UMODL1: variants seen among roughly 807,000 people sequenced by gnomAD.
The protein encoded by UMODL1 is uromodulin-like 1.
Under a neutral mutation model 136.3 loss-of-function variants are expected in UMODL1, and 128 were observed. That is an observed-to-expected ratio of 0.94 (90% CI 0.81 to 1.09). The LOEUF (loss-of-function observed/expected upper bound fraction) is 1.09. Among genes scored for constraint, UMODL1 ranks in the 50% least tolerant of loss-of-function variants. UMODL1 has a pLI of 0.00. For missense variants in UMODL1, 1,766 were observed against 1,725.6 expected, an observed-to-expected ratio of 1.02 and a Z score of -0.41; for synonymous variants, 721 against 720.0, an observed-to-expected ratio of 1.00 and a Z score of -0.02.
chr21:42,107,105 T>C (rs1993362), intron 9 of UMODL1, among the ~76,000 whole-genome samples: 48,485 of 152,088 alleles, frequency 0.32, 8,000 homozygotes, highest in African/African-American at 0.4. Flanking sequence ...CCTCACATCA[T>C]TTCCATTCAA....
intron 9 of UMODL1, among the ~76,000 whole-genome samples, chr21:42,105,541 T>A (rs749389352): frequency 6.6e-6 from 1 of 152,216 alleles, no homozygotes; most frequent in Non-Finnish European, 1.5e-5. Flanking sequence ...CAGACACGAT[T>A]AAGTTAAGGA....
At position 42,084,238 on chromosome 21, in the gene UMODL1, AC is replaced by A; in HGVS notation, c.478del (p.Gln160LysfsTer18). ...GGGGGCGCTACTGCATGGCCCCTGCACCCCAAGGTAGGCTGCTGCGGGCCAT... is the reference window on the plus strand; with the variant it reads ...GGGGGCGCTACTGCATGGCCCCTGCACCCAAGGTAGGCTGCTGCGGGCCAT... Reference protein sequence around the residue: ...SGGRYCMAPAPQAPERDPVGS... With the variant: ...SGGRYCMAPAXQAPERDPVGS... On this transcript the variant is annotated frameshift_variant, in exon 3 of 23. Coordinates refer to ENST00000408910, the MANE Select transcript of UMODL1 (RefSeq NM_001004416.3). LOFTEE classifies it high-confidence loss of function. 6.2e-7 allele frequency: 1 copy of A among 1,611,594 alleles called. No homozygotes were observed. Among genetic ancestry groups the A allele is most frequent in the Admixed American group, 1.7e-5 (1 of 59,746 alleles).
intron 12 of UMODL1, among the ~76,000 whole-genome samples, chr21:42,112,177 C>T (rs954946781): frequency 1.3e-5 from 2 of 151,446 alleles, no homozygotes; most frequent in Middle Eastern, 3.5e-3. Flanking sequence ...TCAGCTGTTC[C>T]GTCACCCTGC....
At chr21:42,127,329 C>T (rs2067072774) in intron 19 of UMODL1, 87 bp downstream of exon 19, 1 of 1,258,652 alleles carries the variant, frequency 7.9e-7, no homozygotes, top group Non-Finnish European at 1.2e-6. Context: ...CAGACATCCC[C>T]ATCCAGCAAT....
chr21:42,137,713 C>G, intron 22 of UMODL1, 72 bp downstream of exon 22: 1 of 699,982 alleles, frequency 1.4e-6, no homozygotes, highest in Non-Finnish European at 2.1e-6. Context: ...GAGGTGCAGG[C>G]TGACAGGAGG....
intron 1 of UMODL1, among the ~76,000 whole-genome samples, chr21:42,065,949 ATAGGTGGATT>A (rs1481136504): frequency 1.3e-5 from 2 of 152,164 alleles, no homozygotes; most frequent in Non-Finnish European, 2.9e-5. Context: ...GGACCCAGAC[ATAGGTGGATT>A]TTTGTTTCTG....
upstream of UMODL1, among the ~76,000 whole-genome samples, chr21:42,070,003 C>T (rs1303761427): frequency 2.0e-5 from 3 of 152,034 alleles, no homozygotes; most frequent in Admixed American, 2.0e-4. Context: ...GTACGCAGCC[C>T]CTTTGCTGTG....
At chr21:42,102,131 G>T in intron 7 of UMODL1, 35 bp from the exon 8 acceptor site, 2 of 1,525,814 alleles carry the variant, frequency 1.3e-6, no homozygotes, top group South Asian at 2.3e-5. Flanking sequence ...TGTGACTTTT[G>T]ACCACAGGCT....
At chr21:42,076,289 C>T (rs771101327) in intron 2 of UMODL1, 42 bp downstream of exon 2, 17 of 1,607,430 alleles carry the variant, frequency 1.1e-5, no homozygotes, top group South Asian at 6.6e-5. Context: ...CCACCCTTGC[C>T]GTCGAGACGC....
Position 42,126,448 on chromosome 21 carries a change from A to T in UMODL1, c.3251A>T (p.Gln1084Leu), listed in dbSNP as rs191777478. 5 of 1,614,242 alleles carry T rather than the reference A, an allele frequency of 3.1e-6. No individual in the cohort carries two copies. The African/African-American group carries it at 5.3e-5, about 17-fold the overall frequency. ...CTGAGCCCCATCTACTGCGCCTTCCAGAATGACCTGCTGACATCCTCCGGC... is the reference window on the plus strand; with the variant it reads ...CTGAGCCCCATCTACTGCGCCTTCCTGAATGACCTGCTGACATCCTCCGGC... Reference protein sequence around the residue: ...KILSPIYCAFQNDLLTSSGFT... With the variant: ...KILSPIYCAFLNDLLTSSGFT... The change falls in exon 18 of 23, where the codon CAG becomes CTG. Residue 1084 changes from glutamine (Q) to leucine (L), a missense_variant. By Grantham distance (113) the Gln-to-Leu change is moderately radical (BLOSUM62 -2). Coordinates refer to ENST00000408910, the MANE Select transcript of UMODL1 (RefSeq NM_001004416.3).
At chr21:42,069,636 A>G (rs1432565857), upstream of UMODL1, among the ~76,000 whole-genome samples, 5 of 152,210 alleles carry the variant, frequency 3.3e-5, no homozygotes, top group Admixed American at 3.3e-4. Flanking sequence ...GACCTATTTC[A>G]TAGGGCAATC....
intron 2 of UMODL1, among the ~76,000 whole-genome samples, chr21:42,077,007 GTGTGTGTGT>G (rs1207502866): frequency 4.3e-4 from 4 of 9,330 alleles, no homozygotes; most frequent in African/African-American, 2.2e-3. Context: ...GGAGGGGTGT[GTGTGTGTGT>G]GTGTGTGTGT....
intron 12 of UMODL1, among the ~76,000 whole-genome samples, chr21:42,112,638 C>T (rs994426444): frequency 1.3e-5 from 2 of 151,906 alleles, no homozygotes; most frequent in Non-Finnish European, 2.9e-5. Flanking sequence ...TCTGCACCTC[C>T]ATAGGTGTTC....
At position 42,127,843 on chromosome 21, in the gene UMODL1, T is replaced by C. The variant is rs2067082460; in HGVS notation, c.3690+12T>C. The stretch of plus-strand genomic sequence containing the variant: ...CCACGTGCAAAATCGTAAGTGTTTT[T>C]TGGTTTTCTAAACGTTTGGTTGGAT... On this transcript the variant is annotated intron_variant, in intron 20 of 22. Coordinates refer to ENST00000408910, the MANE Select transcript of UMODL1 (RefSeq NM_001004416.3). 1 of 1,610,160 alleles carries C rather than the reference T, an allele frequency of 6.2e-7. No individual in the cohort carries two copies. Among genetic ancestry groups the C allele is most frequent in the Non-Finnish European group, 8.5e-7 (1 of 1,178,396 alleles).
chr21:42,129,862 G>C, intron 21 of UMODL1, 65 bp downstream of exon 21: 3 of 1,279,746 alleles, frequency 2.3e-6, no homozygotes, highest in Non-Finnish European at 3.2e-6. Context: ...TCACCAGCAT[G>C]TAAATAAAAA....
At chr21:42,108,371 C>A (rs773754718) in intron 9 of UMODL1, 11 of 520,360 alleles carry the variant, frequency 2.1e-5, no homozygotes, top group Non-Finnish European at 3.9e-5. Flanking sequence ...GGCAAGGCAG[C>A]CCCCAGGCCA....
At chr21:42,083,691 C>T (rs1005924672) in intron 2 of UMODL1, among the ~76,000 whole-genome samples, 3 of 152,272 alleles carry the variant, frequency 2.0e-5, no homozygotes, top group African/African-American at 7.2e-5. Context: ...CCTGGGCACC[C>T]GGCATTGTGC....
chr21:42,123,734 A>AG lies in UMODL1; in HGVS notation c.3147+584_3147+585insG, dbSNP rs149988861. ...TGAATGTGAGAATGTGTCTATGTGC[A>AG]TGTGTGCATGTGTGCGTGAGTTGAG... On this transcript the variant is annotated intron_variant, in intron 17 of 22. Transcript: ENST00000408910. This position sits in a 1 kb window ranked among gnomAD's most constrained non-coding sequence, Gnocchi z 4.4. Among the ~76,000 whole-genome samples the AG allele has an allele frequency of 0.014, 2,198 of 151,834 alleles. 30 individuals are homozygous for AG. Among genetic ancestry groups the AG allele is most frequent in the Non-Finnish European group, 0.024 (1,610 of 67,910 alleles).
At chr21:42,064,032 C>T (rs977038931) in intron 1 of UMODL1, among the ~76,000 whole-genome samples, 1 of 152,102 alleles carries the variant, frequency 6.6e-6, no homozygotes, top group African/African-American at 2.4e-5. Flanking sequence ...TCTGAAATAA[C>T]CTGGCCGTTA....
Sources: allele counts gnomAD v4.1 joint callset (sites outside exome capture counted in the v4.1 genomes callset), GRCh38; gene constraint gnomAD v4.1.1; non-coding constraint Gnocchi (gnomAD v3.1); transcripts MANE v1.5; gene names NCBI Gene and HGNC (gene_info 2026-07-23, HGNC 2026-07-21).